SVEP1: variants seen among roughly 807,000 people sequenced by gnomAD.
SVEP1 encodes the protein sushi, von Willebrand factor type A, EGF and pentraxin domain containing 1, also known as sushi, von Willebrand factor type A, EGF and pentraxin domain-containing protein 1.
Under a neutral mutation model 367.3 loss-of-function variants are expected in SVEP1, and 164 were observed. The observed-to-expected ratio is 0.45, with a 90% CI of 0.39 to 0.51. The LOEUF (loss-of-function observed/expected upper bound fraction) is 0.51, where lower values mean the gene tolerates loss of function less well. SVEP1 is among the 20% of genes least tolerant of loss of function. The pLI, the probability that SVEP1 is intolerant of heterozygous loss-of-function variation, is 0.00. For missense variants in SVEP1, 4,117 were observed against 4,425.3 expected (o/e 0.93, Z 1.98); for synonymous variants, 1,666 against 1,611.6 (o/e 1.03, Z -0.81).
rs778110597 is a variant in SVEP1, at chr9:110,579,472, C to A, written c.72G>T (p.Met24Ile). The part of the protein sequence containing the change: ...LVSGWATFQQ[M>I]SPSRNFSFRL... Reference sequence around the variant, plus strand: ...GGAAGCTGAAATTGCGCGACGGGGACATCTGCTGAAAGGTCGCCCAGCCCG... The same window carrying A: ...GGAAGCTGAAATTGCGCGACGGGGAAATCTGCTGAAAGGTCGCCCAGCCCG... Residue 24 changes from methionine to isoleucine, a missense_variant, in exon 1 of 48, where the codon ATG becomes ATT. By Grantham distance (10) the Met-to-Ile change is conservative. Coordinates refer to ENST00000374469, the MANE Select transcript of SVEP1 (RefSeq NM_153366.4). This position sits in a 1 kb window ranked among gnomAD's most constrained non-coding sequence, Gnocchi z 5.3. 6.2e-7 allele frequency: 1 copy of A among 1,604,260 alleles called. No individual in the cohort carries two copies. Among genetic ancestry groups the A allele is most frequent in the Non-Finnish European group, 8.5e-7 (1 of 1,176,414 alleles).
At chr9:110,396,068 C>T (rs1827753392) in intron 40 of SVEP1, among the ~76,000 whole-genome samples, 1 of 152,032 alleles carries the variant, frequency 6.6e-6, no homozygotes, top group Admixed American at 6.6e-5. Context: ...CAGCACCACA[C>T]CTATTCCAAA....
chr9:110,371,519 C>T (rs1054331682), intron 46 of SVEP1, among the ~76,000 whole-genome samples: 1 of 152,146 alleles, frequency 6.6e-6, no homozygotes, highest in Admixed American at 6.6e-5. Flanking sequence ...CCTAAACTAT[C>T]ATCCAACTGC....
rs551316492 is a variant in SVEP1, at chr9:110,494,786, C to T, written c.1800+2029G>A. Reference sequence around the variant, plus strand: ...TTTCCCCAATTGTCTAAACTGCCTTCTCTGTCTTTTTTTTTTCTTTCAAAC... The same window carrying T: ...TTTCCCCAATTGTCTAAACTGCCTTTTCTGTCTTTTTTTTTTCTTTCAAAC... On this transcript the variant is annotated intron_variant, in intron 8 of 47. Transcript: ENST00000374469. Among the ~76,000 whole-genome samples the T allele has an allele frequency of 1.4e-4, 11 of 76,870 alleles. No homozygotes were observed. The Admixed American group carries it at 1.7e-3, about 12-fold the overall frequency. The allele number at this position is 76,870 out of a possible 152,430, so 50.4% of individuals were successfully genotyped here.
chr9:110,578,906 T>A (rs10759442), intron 1 of SVEP1, 107 bp downstream of exon 1: 761,121 of 1,217,026 alleles, frequency 0.63, 242,775 homozygotes, highest in East Asian at 0.93. Flanking sequence ...TGACTTGGGG[T>A]GGTTATGCCT....
intron 10 of SVEP1, among the ~76,000 whole-genome samples, chr9:110,483,274 A>G (rs1790755330): frequency 6.6e-6 from 1 of 152,202 alleles, no homozygotes; most frequent in South Asian, 2.1e-4. Flanking sequence ...GATAAAATGC[A>G]TGGTTTATAC....
rs1588024280 is a variant in SVEP1 at position 110,385,906 on chromosome 9, T to A, written c.10229A>T (p.Lys3410Ile). 6.2e-7 allele frequency: 1 copy of A among 1,612,472 alleles called. No homozygotes were observed. The highest frequency in any genetic ancestry group is 1.7e-5 in the Admixed American group (1 of 59,688). Residue 3410 changes from lysine (K) to isoleucine (I), a missense_variant, in exon 43 of 48, where the codon AAA becomes ATA. Lys to Ile is a moderately radical substitution (Grantham distance 102). Transcript: ENST00000374469. ...TCCGCCTGCTGACTTACTTTCACAT[T>A]TGGCGCTTGTCTGTGTCCACGTCTC... ...PDETWTQTSA[K>I]CEKISCGPPA...
chr9:110,489,584 G>T (rs1829335125), intron 9 of SVEP1, 66 bp downstream of exon 9: 3 of 1,508,096 alleles, frequency 2.0e-6, no homozygotes, highest in Non-Finnish European at 2.7e-6. Flanking sequence ...ACGACACATG[G>T]GAATTATGGG....
At position 110,550,106 on chromosome 9, in the gene SVEP1, T is replaced by C; in HGVS notation, c.532-2A>G. ...TTCTCTAGCATGAAGAAGAATTTGC[T>C]GTAATGAAATGGGGAAAGTTAATAT... is the stretch of plus-strand genomic sequence containing the variant. On this transcript the variant is annotated splice_acceptor_variant, in intron 1 of 47. Coordinates refer to ENST00000374469, the MANE Select transcript of SVEP1 (RefSeq NM_153366.4). LOFTEE classifies it high-confidence loss of function. 1 of 1,613,670 alleles carries C rather than the reference T, an allele frequency of 6.2e-7. No homozygotes were observed. Among genetic ancestry groups the C allele is most frequent in the Non-Finnish European group, 8.5e-7 (1 of 1,179,540 alleles).
intron 3 of SVEP1, among the ~76,000 whole-genome samples, chr9:110,541,845 ATC>A (rs1830152422): frequency 4.3e-5 from 6 of 140,022 alleles, no homozygotes; most frequent in African/African-American, 8.0e-5. Context: ...ATACATAGAT[ATC>A]TATATATATC....
chr9:110,556,843 T>TATAA (rs992505121), intron 1 of SVEP1, among the ~76,000 whole-genome samples: 15 of 152,108 alleles, frequency 9.9e-5, no homozygotes, highest in South Asian at 2.1e-4. Context: ...TAGAAGGAAA[T>TATAA]ATAAATAAAT....
chr9:110,494,220 G>A (rs1313118805), intron 8 of SVEP1, among the ~76,000 whole-genome samples: 3 of 152,144 alleles, frequency 2.0e-5, no homozygotes, highest in Non-Finnish European at 4.4e-5. Flanking sequence ...CCATTTTTCT[G>A]TTTATCCCAC....
intron 40 of SVEP1, among the ~76,000 whole-genome samples, chr9:110,398,203 C>G (rs190169458): frequency 6.6e-6 from 1 of 152,236 alleles, no homozygotes; most frequent in Admixed American, 6.5e-5. Context: ...CTACAACTAT[C>G]TGATCTTTGA....
chr9:110,377,083 T>G, intron 45 of SVEP1, 188 bp downstream of exon 45: 1 of 467,628 alleles, frequency 2.1e-6, no homozygotes, highest in Non-Finnish European at 3.8e-6. Flanking sequence ...ATAACAGTAT[T>G]TTCAAAGTCA....
chr9:110,454,170 T>C (rs566376526), intron 22 of SVEP1, among the ~76,000 whole-genome samples: 1 of 152,340 alleles, frequency 6.6e-6, no homozygotes, highest in African/African-American at 2.4e-5. Context: ...TTCTGTTTAC[T>C]CCATTGATGC....
intron 46 of SVEP1, among the ~76,000 whole-genome samples, chr9:110,373,218 T>G (rs1194653773): frequency 6.6e-6 from 1 of 152,216 alleles, no homozygotes; most frequent in Non-Finnish European, 1.5e-5. Context: ...AAAGTTGATT[T>G]GTTATAAACA....
chr9:110,510,771 C>T (rs1364296771), intron 5 of SVEP1, among the ~76,000 whole-genome samples: 2 of 152,190 alleles, frequency 1.3e-5, no homozygotes, highest in East Asian at 1.9e-4. Flanking sequence ...CCATCCTCTA[C>T]CGTAAGGTAT....
chr9:110,436,244 G>T (rs1220582520), intron 28 of SVEP1, 136 bp downstream of exon 28: 2 of 1,123,552 alleles, frequency 1.8e-6, no homozygotes, highest in African/African-American at 3.1e-5. Context: ...TATAACCACA[G>T]CATCAAATGA....
chr9:110,528,019 C>A (rs1012411613), intron 3 of SVEP1, among the ~76,000 whole-genome samples: 1 of 150,788 alleles, frequency 6.6e-6, no homozygotes, highest in Non-Finnish European at 1.5e-5. Context: ...ATCAAAGTTG[C>A]TGCAAAAGAC....
chr9:110,432,322 T>TCTACATACA, intron 31 of SVEP1, 140 bp downstream of exon 31: 1 of 1,126,022 alleles, frequency 8.9e-7, no homozygotes, highest in Non-Finnish European at 1.2e-6. Context: ...ACAGCTGCTT[T>TCTACATACA]GTCACTATGG....
Sources: gnomAD v4.1 joint callset for allele counts (sites outside exome capture counted in the v4.1 genomes callset) on GRCh38, gnomAD v4.1.1 for gene constraint, Gnocchi (gnomAD v3.1) non-coding constraint, MANE v1.5 for transcripts, NCBI Gene and HGNC (gene_info 2026-07-23, HGNC 2026-07-21) for gene names.